RPS6KB1: variants seen among roughly 807,000 people sequenced by gnomAD.
RPS6KB1 encodes ribosomal protein S6 kinase B1.
Under a neutral mutation model 70.2 loss-of-function variants are expected in RPS6KB1, and 12 were observed. The ratio of observed to expected loss-of-function variants is 0.17; its 90% CI spans 0.11 to 0.28. The LOEUF is 0.28. Ranked by LOEUF, RPS6KB1 falls within the 10% of genes least tolerant of loss-of-function variation. RPS6KB1 has a pLI of 1.00. For missense variants in RPS6KB1, 270 were observed against 646.6 expected, an observed-to-expected ratio of 0.42 and a Z score of 6.32; for synonymous variants, 175 against 211.2, an observed-to-expected ratio of 0.83 and a Z score of 1.49.
At chr17:59,930,543 T>C (rs962693561) in intron 6 of RPS6KB1, 1 of 191,850 alleles carries the variant, frequency 5.2e-6, no homozygotes, top group Non-Finnish European at 1.1e-5. Context: ...TTTCTATTTC[T>C]CAAGGTACAG....
intron 1 of RPS6KB1, among the ~76,000 whole-genome samples, chr17:59,902,697 C>A (rs1431634643): frequency 2.0e-5 from 3 of 151,556 alleles, no homozygotes; most frequent in Non-Finnish European, 2.9e-5. Context: ...CTGCCTCAGT[C>A]TCTCATGTAG....
chr17:59,899,482 A>G (rs1268884693), intron 1 of RPS6KB1, among the ~76,000 whole-genome samples: 1 of 152,192 alleles, frequency 6.6e-6, no homozygotes, highest in Admixed American at 6.6e-5. Context: ...GTCCAGTCTT[A>G]ACTACTCTGT....
intron 13 of RPS6KB1, among the ~76,000 whole-genome samples, chr17:59,943,057 G>A (rs2044708524): frequency 6.6e-6 from 1 of 152,014 alleles, no homozygotes; most frequent in Non-Finnish European, 1.5e-5. Context: ...GTATGGTTTT[G>A]AGTAAACAAC....
At chr17:59,940,219 A>G (rs1358168819) in intron 12 of RPS6KB1, among the ~76,000 whole-genome samples, 1 of 148,906 alleles carries the variant, frequency 6.7e-6, no homozygotes, top group African/African-American at 2.5e-5. Flanking sequence ...AAGCTTTGTG[A>G]GAGGGGAAAT....
chr17:59,916,979 T>A (rs1452268776), intron 4 of RPS6KB1, among the ~76,000 whole-genome samples: 1 of 152,192 alleles, frequency 6.6e-6, no homozygotes, highest in Non-Finnish European at 1.5e-5. Context: ...CTTGAGAGTT[T>A]CTGTTGAAGT....
chr17:59,905,449 G>T (rs2042209101), intron 1 of RPS6KB1, among the ~76,000 whole-genome samples: 1 of 151,722 alleles, frequency 6.6e-6, no homozygotes, highest in African/African-American at 2.4e-5. Flanking sequence ...GGATCATGAA[G>T]ATTTACTCCC....
At chr17:59,895,435 C>T (rs1278645252) in intron 1 of RPS6KB1, among the ~76,000 whole-genome samples, 3 of 150,406 alleles carry the variant, frequency 2.0e-5, no homozygotes, top group African/African-American at 7.3e-5. Flanking sequence ...GATTCTCCTA[C>T]CTCAGCCTCC....
At chr17:59,901,103 A>G (rs1245785612) in intron 1 of RPS6KB1, among the ~76,000 whole-genome samples, 1 of 151,410 alleles carries the variant, frequency 6.6e-6, no homozygotes, top group Non-Finnish European at 1.5e-5. Flanking sequence ...GGAGTTTCCC[A>G]TGAGCCGAGA....
intron 10 of RPS6KB1, among the ~76,000 whole-genome samples, chr17:59,935,930 G>T (rs561687758): frequency 1.1e-4 from 16 of 151,724 alleles, no homozygotes; most frequent in Admixed American, 4.6e-4. Context: ...TCCTGCCTCA[G>T]TCTCCCTAGT....
rs562699566 is a variant in RPS6KB1, at chr17:59,934,358, A to G, written c.780-76A>G. On this transcript the variant is annotated intron_variant, in intron 8 of 14. Coordinates refer to ENST00000225577, the MANE Select transcript of RPS6KB1 (RefSeq NM_003161.4). The surrounding 1 kb of genome is among the most constrained non-coding windows in gnomAD (Gnocchi z 4.8). The stretch of plus-strand genomic sequence containing the variant: ...TTTTCTGTACCCTCATTGACTCTGT[A>G]TATTGTTTTTAAAATTCTAATTCAG... 7.2e-5 allele frequency: 106 copies of G among 1,478,302 alleles called. 2 individuals carry two copies. In the South Asian group the frequency reaches 9.3e-4, roughly 13 times the overall value. 91.6% of individuals were successfully genotyped at this position (1,478,302 alleles called of 1,614,324 possible).
chr17:59,934,662 T>A lies in RPS6KB1; in HGVS notation c.870+138T>A. 1.6e-6 allele frequency: 1 copy of A among 614,742 alleles called. No homozygotes were observed. The highest frequency in any genetic ancestry group is 2.9e-6 in the Non-Finnish European group (1 of 347,994). 38.1% of individuals were successfully genotyped at this position (614,742 alleles called of 1,614,324 possible). A position where few individuals can be genotyped will look rare whatever the true frequency, so the allele number is the denominator to read the frequency against. On this transcript the variant is annotated intron_variant, in intron 9 of 14. Coordinates refer to ENST00000225577, the MANE Select transcript of RPS6KB1 (RefSeq NM_003161.4). This position sits in a 1 kb window ranked among gnomAD's most constrained non-coding sequence, Gnocchi z 4.8. ...AGATTTGTTATTAGCAGTTTAACAC[T>A]AATAATGCTGTATGATTATATGGGA...
chr17:59,916,052 CAGGCATGAGCCACCA>C (rs1235521663), intron 4 of RPS6KB1, among the ~76,000 whole-genome samples: 57 of 152,104 alleles, frequency 3.7e-4, no homozygotes, highest in African/African-American at 1.3e-3. Flanking sequence ...GCTGGGATTA[CAGGCATGAGCCACCA>C]TGCCCAGCCA....
chr17:59,896,701 G>A (rs537517607), intron 1 of RPS6KB1, among the ~76,000 whole-genome samples: 1 of 152,296 alleles, frequency 6.6e-6, no homozygotes, highest in Non-Finnish European at 1.5e-5. Flanking sequence ...ATTTTGGGGA[G>A]AGAAAGTCTG....
intron 13 of RPS6KB1, among the ~76,000 whole-genome samples, chr17:59,942,806 C>T (rs2044690549): frequency 6.6e-6 from 1 of 151,796 alleles, no homozygotes; most frequent in African/African-American, 2.4e-5. Flanking sequence ...ATGGTGAAAC[C>T]CCATCTCTAC....
At chr17:59,924,323 T>C (rs1457505663) in intron 4 of RPS6KB1, among the ~76,000 whole-genome samples, 1 of 109,976 alleles carries the variant, frequency 9.1e-6, no homozygotes, top group Non-Finnish European at 1.7e-5. Context: ...AGTGAGACTC[T>C]GTCTAGAAAA....
intron 4 of RPS6KB1, among the ~76,000 whole-genome samples, chr17:59,918,334 C>A (rs2043075301): frequency 6.8e-6 from 1 of 148,106 alleles, no homozygotes; most frequent in African/African-American, 2.6e-5. Flanking sequence ...ATAATATCTT[C>A]TCTTACCCCT....
At chr17:59,922,787 A>G (rs1180492775) in intron 4 of RPS6KB1, among the ~76,000 whole-genome samples, 9 of 150,348 alleles carry the variant, frequency 6.0e-5, no homozygotes, top group Admixed American at 6.0e-4. Context: ...CCCGTGATCT[A>G]GCCACCTTGG....
chr17:59,922,040 ATTT>A (rs36071603), intron 4 of RPS6KB1, among the ~76,000 whole-genome samples: 3 of 130,138 alleles, frequency 2.3e-5, no homozygotes, highest in Admixed American at 7.9e-5. Flanking sequence ...GAATAAGGGC[ATTT>A]TTTTTTTTTT....
intron 6 of RPS6KB1, among the ~76,000 whole-genome samples, chr17:59,930,606 C>T (rs369260701): frequency 6.6e-6 from 1 of 152,024 alleles, no homozygotes; most frequent in African/African-American, 2.4e-5. Flanking sequence ...ATTATGTAGT[C>T]AGGGTGGGAT....
Sources: allele counts gnomAD v4.1 joint callset (sites outside exome capture counted in the v4.1 genomes callset), GRCh38; gene constraint gnomAD v4.1.1; non-coding constraint Gnocchi (gnomAD v3.1); transcripts MANE v1.5; gene names NCBI Gene and HGNC (gene_info 2026-07-23, HGNC 2026-07-21).